Variants in MRS2 observed in about 807,000 individuals in gnomAD.
MRS2 encodes magnesium transporter MRS2.
A neutral mutation model predicts 52.6 loss-of-function variants in MRS2; 40 were observed. The observed-to-expected ratio is 0.76, with a 90% CI of 0.59 to 0.99. MRS2 has a LOEUF of 0.99. Ranked by LOEUF, MRS2 falls within the 50% of genes least tolerant of loss-of-function variation. The pLI is 0.00. For missense variants in MRS2, 472 were observed against 532.7 expected (o/e 0.89, Z 1.12); for synonymous variants, 193 against 195.9 (o/e 0.98, Z 0.13).
chr6:24,421,551 G>A (rs1243442112), intron 9 of MRS2, among the ~76,000 whole-genome samples: 3 of 148,908 alleles, frequency 2.0e-5, no homozygotes, highest in African/African-American at 7.3e-5. Flanking sequence ...AATAGTCAAA[G>A]AATTTCCATT....
intron 1 of MRS2, among the ~76,000 whole-genome samples, chr6:24,404,105 A>G (rs1408383791): frequency 1.3e-5 from 2 of 152,210 alleles, no homozygotes; most frequent in African/African-American, 2.4e-5. Flanking sequence ...ATGTTTTCTC[A>G]ATTGTGCTCT....
chr6:24,412,187 A>G (rs755605724), intron 4 of MRS2, 35 bp from the exon 5 acceptor site: 4 of 1,386,178 alleles, frequency 2.9e-6, no homozygotes, highest in Non-Finnish European at 2.9e-6. Flanking sequence ...ATACACTCAC[A>G]TATTTATATG....
chr6:24,414,786 T>A (rs565442800), intron 5 of MRS2, among the ~76,000 whole-genome samples: 5 of 152,140 alleles, frequency 3.3e-5, no homozygotes, highest in Non-Finnish European at 7.4e-5. Flanking sequence ...GGAGAAAGAC[T>A]CTTACGAGAG....
intron 1 of MRS2, among the ~76,000 whole-genome samples, chr6:24,404,201 C>T (rs569131271): frequency 2.5e-4 from 38 of 152,332 alleles, no homozygotes; most frequent in African/African-American, 9.1e-4. Flanking sequence ...TCTGCACCCT[C>T]AATTGATAAT....
At chr6:24,420,848 G>A (rs1054878964) in intron 9 of MRS2, among the ~76,000 whole-genome samples, 2 of 152,180 alleles carry the variant, frequency 1.3e-5, no homozygotes, top group African/African-American at 4.8e-5. Flanking sequence ...AGAAGAGCAT[G>A]AGTCAGGTGG....
In MRS2 at chr6:24,408,324, T is replaced by C. The variant is rs139605783; in HGVS notation, c.265-84T>C. 5.0e-3 allele frequency: 4,414 copies of C among 891,582 alleles called. 21 individuals carry two copies. Among genetic ancestry groups the C allele is most frequent in the Non-Finnish European group, 6.3e-3 (3,405 of 543,470 alleles). 55.2% of individuals were successfully genotyped at this position (891,582 alleles called of 1,614,324 possible). On this transcript the variant is annotated intron_variant, in intron 2 of 10. Coordinates refer to ENST00000378386, the MANE Select transcript of MRS2 (RefSeq NM_020662.4). ...TTTGGGGATATTACTTACAATACCATAAATTCTTAACTAAATTAGCAATAC... is the reference window on the plus strand; with the variant it reads ...TTTGGGGATATTACTTACAATACCACAAATTCTTAACTAAATTAGCAATAC...
rs3833457 is a variant in MRS2, at chr6:24,422,921, CTG to C, written c.1108-12_1108-11del. 6.4e-7 allele frequency: 1 copy of C among 1,567,322 alleles called. No homozygotes were observed. Among genetic ancestry groups the C allele is most frequent in the Non-Finnish European group, 8.8e-7 (1 of 1,141,208 alleles). On this transcript the variant is annotated splice_polypyrimidine_tract_variant and intron_variant, in intron 9 of 10. Coordinates refer to ENST00000378386, the MANE Select transcript of MRS2 (RefSeq NM_020662.4). ...CCTGGCGTTTTGCGATGGAAATGAA[CTG>C]TGTTCTCTTTTAGGACCATAGAATT...
At chr6:24,413,046 T>C (rs1421800689) in intron 5 of MRS2, among the ~76,000 whole-genome samples, 2 of 152,108 alleles carry the variant, frequency 1.3e-5, no homozygotes, top group Non-Finnish European at 2.9e-5. Flanking sequence ...AATAGATGGC[T>C]ACACTTCCTG....
chr6:24,420,106 C>G (rs1761993225), intron 9 of MRS2, among the ~76,000 whole-genome samples: 1 of 152,156 alleles, frequency 6.6e-6, no homozygotes, highest in African/African-American at 2.4e-5. Flanking sequence ...GATAAAAATC[C>G]CGTCCTGCCG....
chr6:24,405,774 C>CTTT (rs11406924), intron 2 of MRS2, among the ~76,000 whole-genome samples: 97 of 125,862 alleles, frequency 7.7e-4, no homozygotes, highest in East Asian at 2.6e-3. Flanking sequence ...TCTTTGTAGG[C>CTTT]TTTTTTTTTT....
chr6:24,414,018 A>C lies in MRS2; in HGVS notation c.589-1015A>C, dbSNP rs1761754911. Reference sequence around the variant, plus strand: ...TTTTATTTTCAAAGAGCTTTGTAGGAATTTTGAACCATATTCTGTTTACAG... The same window carrying C: ...TTTTATTTTCAAAGAGCTTTGTAGGCATTTTGAACCATATTCTGTTTACAG... On this transcript the variant is annotated intron_variant, in intron 5 of 10. Transcript: ENST00000378386. Among the ~76,000 whole-genome samples, 3 of 152,316 alleles carry C rather than the reference A, an allele frequency of 2.0e-5. No individual in the cohort carries two copies. In the South Asian group the frequency reaches 6.2e-4, roughly 32 times the overall value.
At chr6:24,404,351 T>G (rs1260756062) in intron 1 of MRS2, among the ~76,000 whole-genome samples, 1 of 152,228 alleles carries the variant, frequency 6.6e-6, no homozygotes. Context: ...CCTTTTACCT[T>G]TATTCATCTT....
At chr6:24,407,017 A>G (rs1761498744) in intron 2 of MRS2, among the ~76,000 whole-genome samples, 1 of 152,200 alleles carries the variant, frequency 6.6e-6, no homozygotes, top group South Asian at 2.1e-4. Flanking sequence ...GTACATATAA[A>G]TATTGAGATG....
intron 5 of MRS2, among the ~76,000 whole-genome samples, chr6:24,414,357 CG>C (rs1396187570): frequency 1.3e-5 from 2 of 148,228 alleles, no homozygotes; most frequent in African/African-American, 5.1e-5. Context: ...TGACTCTTAA[CG>C]AGCATGCTGC....
intron 9 of MRS2, among the ~76,000 whole-genome samples, chr6:24,422,567 A>G (rs1299819325): frequency 1.3e-5 from 2 of 152,048 alleles, no homozygotes; most frequent in East Asian, 3.8e-4. Flanking sequence ...TATCGTGCCC[A>G]GCATAGCACC....
intron 3 of MRS2, 74 bp from the exon 4 acceptor site, chr6:24,409,387 A>C (rs1207885133): frequency 1.2e-6 from 1 of 806,906 alleles, no homozygotes; most frequent in Non-Finnish European, 1.9e-6. Context: ...TGGTGGTGGG[A>C]GGACTGCTCT....
intron 5 of MRS2, among the ~76,000 whole-genome samples, chr6:24,414,577 T>C (rs543179441): frequency 1.3e-3 from 201 of 151,530 alleles, no homozygotes; most frequent in African/African-American, 4.3e-3. Flanking sequence ...AACAATCTGA[T>C]CTCTCTTTCT....
rs1320589674 is a variant in MRS2 at position 24,423,249 on chromosome 6, T to C, written c.1221+199T>C. On this transcript the variant is annotated intron_variant, in intron 10 of 10. Transcript: ENST00000378386. ...GTTATGGGAAGAATTAAACAATATG[T>C]GTAAAGCACTTACTAGCACACTGCC... 5 of 548,654 alleles carry C rather than the reference T, an allele frequency of 9.1e-6. No homozygotes were observed. The East Asian group carries it at 1.5e-4, about 16-fold the overall frequency. The allele number at this position is 548,654 out of a possible 1,614,324, so 34.0% of individuals were successfully genotyped here.
rs7750241 is a variant in MRS2, at chr6:24,409,618, T to C, written c.414+45T>C. On this transcript the variant is annotated intron_variant, in intron 4 of 10. Transcript: ENST00000378386. The stretch of plus-strand genomic sequence containing the variant: ...TCTATGTTTCTCCAATACAATCTTA[T>C]AAAAGTTACCTTCTAACTATCTTGA... The C allele has an allele frequency of 9.6e-3, 11,814 of 1,227,008 alleles. 703 individuals carry two copies. In the African/African-American group the frequency reaches 0.14, roughly 15 times the overall value. The allele number at this position is 1,227,008 out of a possible 1,614,324, so 76.0% of individuals were successfully genotyped here.
Sources: allele counts gnomAD v4.1 joint callset (sites outside exome capture counted in the v4.1 genomes callset), GRCh38; gene constraint gnomAD v4.1.1; transcripts MANE v1.5; gene names NCBI Gene and HGNC (gene_info 2026-07-23, HGNC 2026-07-21).